ABHD1: variants seen among roughly 807,000 people sequenced by gnomAD.
The protein encoded by ABHD1 is protein ABHD1.
In ABHD1, 47 loss-of-function variants were observed where a neutral mutation model predicts 41.4. The observed-to-expected ratio is 1.13, with a 90% confidence interval of 0.90 to 1.45. The LOEUF (loss-of-function observed/expected upper bound fraction) is 1.45. Ranked by LOEUF, ABHD1 falls within the 40% of genes most tolerant of loss-of-function variation. ABHD1 has a pLI of 0.00. For synonymous variants in ABHD1, 205 were observed against 203.7 expected, an observed-to-expected ratio of 1.01 and a Z score of -0.05; for missense variants, 550 against 503.4, an observed-to-expected ratio of 1.09 and a Z score of -0.89.
Position 27,127,158 on chromosome 2 carries a change from T to C in ABHD1, c.115-1283T>C, listed in dbSNP as rs535865849. 1.2e-3 allele frequency among the ~76,000 whole-genome samples: 169 copies of C among 144,604 alleles called. 1 individual carries two copies. Among genetic ancestry groups the C allele is most frequent in the African/African-American group, 4.0e-3 (159 of 39,550 alleles). The allele number at this position is 144,604 out of a possible 152,430, so 94.9% of individuals were successfully genotyped here. A position where few individuals can be genotyped will look rare whatever the true frequency, so the allele number is the denominator to read the frequency against. ...GAGCAAGAACATTAGAGAATAGGAA[T>C]ATACAGATGAAGTGGTGCTAAAATC... On this transcript the variant is annotated intron_variant, in intron 1 of 8. Coordinates refer to ENST00000316470, the MANE Select transcript of ABHD1 (RefSeq NM_032604.4).
intron 7 of ABHD1, 30 bp from the exon 8 acceptor site, chr2:27,130,221 T>C (rs754567655): frequency 1.9e-6 from 3 of 1,614,190 alleles, no homozygotes; most frequent in South Asian, 2.2e-5. Context: ...TTCTTTATCA[T>C]CTTAGCCTAT....
chr2:27,128,334 T>A (rs1346452921), intron 1 of ABHD1, 107 bp from the exon 2 acceptor site: 1 of 1,406,656 alleles, frequency 7.1e-7, no homozygotes, highest in African/African-American at 1.4e-5. Context: ...AGCAGGGTCC[T>A]CCAGGCTGGG....
In ABHD1 at chr2:27,130,614, A is replaced by C. The variant is rs1362731581; in HGVS notation, c.1088A>C (p.Glu363Ala). Residue 363 changes from glutamate (E) to alanine (A), a missense_variant, in exon 9 of 9, where the codon GAA becomes GCA. By Grantham distance (107) the Glu-to-Ala change is moderately radical. Transcript: ENST00000316470. The part of the protein sequence containing the change: ...TARGGHIGFL[E>A]GLLPWQHWYM... ...CGGGGTGGCCACATCGGCTTCCTGG[A>C]AGGGCTGCTCCCGTGGCAGCACTGG... 6.2e-7 allele frequency: 1 copy of C among 1,614,136 alleles called. No homozygotes were observed. The highest frequency in any genetic ancestry group is 2.2e-5 in the East Asian group (1 of 44,880).
chr2:27,130,291 T>C lies in ABHD1; in HGVS notation c.881T>C (p.Val294Ala), dbSNP rs1210727924. The change falls in exon 8 of 9, where the codon GTG (valine) becomes GCG (alanine). Residue 294 changes from valine (V) to alanine (A), a missense_variant. Coordinates refer to ENST00000316470, the MANE Select transcript of ABHD1 (RefSeq NM_032604.4). ...CAGTTTGATGAGCGCTACACATCTG[T>C]GGCCTTTGGATATCAAGACTGTGTT... Reference protein sequence around the residue: ...IRQFDERYTSVAFGYQDCVTY... With the variant: ...IRQFDERYTSAAFGYQDCVTY... The C allele has an allele frequency of 6.2e-7, 1 of 1,614,052 alleles. No homozygotes were observed. Among genetic ancestry groups the C allele is most frequent in the African/African-American group, 1.3e-5 (1 of 74,906 alleles).
rs138068203 is a variant in ABHD1, at chr2:27,130,087, T to G, written c.792-18T>G. The G allele has an allele frequency of 1.9e-6, 3 of 1,614,140 alleles. No individual in the cohort carries two copies. In the African/African-American group the frequency reaches 4.0e-5, roughly 22 times the overall value. On this transcript the variant is annotated intron_variant, in intron 6 of 8. Coordinates refer to ENST00000316470, the MANE Select transcript of ABHD1 (RefSeq NM_032604.4). ...ATCAGATCCAGGTGTCAAGCCAAAC[T>G]CTTATGTACTTTTGCAGAAACAGAA... is the stretch of plus-strand genomic sequence containing the variant.
rs1202857882 is a variant in ABHD1, at chr2:27,124,050, A to G, written c.102A>G (p.Ala34=). The G allele has an allele frequency of 6.2e-7, 1 of 1,614,088 alleles. No individual in the cohort carries two copies. Among genetic ancestry groups the G allele is most frequent in the Non-Finnish European group, 8.5e-7 (1 of 1,179,980 alleles). Residue 34 remains alanine, a synonymous_variant, in exon 1 of 9, where the codon GCA becomes GCG. Transcript: ENST00000316470. ...AVALYLGYYW[A]CVLQRPRLVA... is the part of the protein sequence containing the mutation. ...CCCTCTACTTGGGCTACTACTGGGC[A>G]TGTGTGCTTCAGGTGGGTGCGGGTC...
chr2:27,130,238 G>GCCTATCC lies in ABHD1; in HGVS notation c.841-13_841-12insCCTATCC. 6.2e-7 allele frequency: 1 copy of GCCTATCC among 1,614,070 alleles called. No individual in the cohort carries two copies. The highest frequency in any genetic ancestry group is 1.1e-5 in the South Asian group (1 of 91,078). On this transcript the variant is annotated splice_polypyrimidine_tract_variant and intron_variant, in intron 7 of 8. Coordinates refer to ENST00000316470, the MANE Select transcript of ABHD1 (RefSeq NM_032604.4). The stretch of plus-strand genomic sequence containing the variant: ...CTTTATCATCTTAGCCTATCCTATG[G>GCCTATCC]TAAGACCTGCAGGCCCGTACAATCC...
chr2:27,127,138 A>T lies in ABHD1; in HGVS notation c.115-1303A>T, dbSNP rs544705891. ...CAAAAAAACCCCTTGGCAGTGAGCAAGAACATTAGAGAATAGGAATATACA... is the reference window on the plus strand; with the variant it reads ...CAAAAAAACCCCTTGGCAGTGAGCATGAACATTAGAGAATAGGAATATACA... On this transcript the variant is annotated intron_variant, in intron 1 of 8. Coordinates refer to ENST00000316470, the MANE Select transcript of ABHD1 (RefSeq NM_032604.4). 1.2e-3 allele frequency among the ~76,000 whole-genome samples: 184 copies of T among 151,558 alleles called. 1 individual carries two copies. The highest frequency in any genetic ancestry group is 2.1e-3 in the Admixed American group (32 of 15,202).
intron 4 of ABHD1, 66 bp from the exon 5 acceptor site, chr2:27,129,448 C>T: frequency 6.2e-7 from 1 of 1,612,200 alleles, no homozygotes; most frequent in South Asian, 1.1e-5. Flanking sequence ...CCTATCCTTC[C>T]TCAGTTTCCC....
At chr2:27,128,685 C>G in intron 2 of ABHD1, 84 bp downstream of exon 2, 1 of 1,548,752 alleles carries the variant, frequency 6.5e-7, no homozygotes, top group Non-Finnish European at 8.8e-7. Flanking sequence ...TGTAGGTAAT[C>G]TGCCTCATCT....
intron 1 of ABHD1, 103 bp downstream of exon 1, chr2:27,124,165 C>A: frequency 9.2e-7 from 1 of 1,082,164 alleles, no homozygotes. Flanking sequence ...TTGGGCTTCC[C>A]CACAGGTGAA....
intron 1 of ABHD1, chr2:27,125,284 C>G (rs1158191655): frequency 2.0e-5 from 3 of 152,236 alleles, no homozygotes; most frequent in Non-Finnish European, 2.9e-5. Flanking sequence ...TTACTTGCAA[C>G]TAGCTGCACA....
rs1254450580 is a variant in ABHD1, at chr2:27,129,847, C to T, written c.711C>T (p.Thr237=). 1 of 1,614,158 alleles carries T rather than the reference C, an allele frequency of 6.2e-7. No individual in the cohort carries two copies. The highest frequency in any genetic ancestry group is 1.1e-5 in the South Asian group (1 of 91,084). The change falls in exon 6 of 9, where the codon ACC becomes ACT. Residue 237 remains threonine (T), a synonymous_variant. Coordinates refer to ENST00000316470, the MANE Select transcript of ABHD1 (RefSeq NM_032604.4). ...CTGCATGCTGGGATTCCTTTGAGAC[C>T]ACTCGCTCCCTGGAAACCCCACTCA... ...TLSACWDSFE[T]TRSLETPLNS... is the part of the protein sequence containing the mutation.
intron 1 of ABHD1, 167 bp from the exon 2 acceptor site, chr2:27,128,274 C>A: frequency 1.3e-6 from 1 of 791,928 alleles, no homozygotes; most frequent in Non-Finnish European, 2.1e-6. Context: ...AGTGTATTAT[C>A]AGACTTGGCC....
At chr2:27,124,549 T>G (rs1489070473) in intron 1 of ABHD1, 6 of 298,512 alleles carry the variant, frequency 2.0e-5, no homozygotes, top group Non-Finnish European at 3.9e-5. Context: ...CTGTCCTTGC[T>G]CATTCAGCCG....
intron 8 of ABHD1, 47 bp downstream of exon 8, chr2:27,130,463 A>G (rs372555420): frequency 2.5e-6 from 4 of 1,612,790 alleles, no homozygotes. Flanking sequence ...AAAATGGGCC[A>G]TGAGGGACGC....
rs1391911522 is a variant in ABHD1 at position 27,129,074 on chromosome 2, C to T, written c.405C>T (p.Ser135=). The T allele has an allele frequency of 6.2e-7, 1 of 1,613,976 alleles. No homozygotes were observed. Among genetic ancestry groups the T allele is most frequent in the Non-Finnish European group, 8.5e-7 (1 of 1,180,016 alleles). The part of the protein sequence containing the change: ...VLLLPGITGS[S]QETYVLHLVN... ...TGCTTCCTGGCATCACTGGCAGTAG[C>T]CAGGAGACATACGTCTTGCACCTAG... Residue 135 remains serine, a synonymous_variant, in exon 3 of 9, where the codon AGC becomes AGT. Transcript: ENST00000316470.
intron 7 of ABHD1, 35 bp from the exon 8 acceptor site, chr2:27,130,210 ATTCTTT>A: frequency 6.2e-7 from 1 of 1,614,064 alleles, no homozygotes; most frequent in Non-Finnish European, 8.5e-7. Context: ...CTATCTTCCT[ATTCTTT>A]ATCATCTTAG....
At position 27,124,054 on chromosome 2, in the gene ABHD1, G is replaced by A; in HGVS notation, c.106G>A (p.Val36Met). 1.2e-6 allele frequency: 2 copies of A among 1,614,160 alleles called. No homozygotes were observed. The highest frequency in any genetic ancestry group is 1.7e-6 in the Non-Finnish European group (2 of 1,179,978). Reference sequence around the variant, plus strand: ...CTACTTGGGCTACTACTGGGCATGTGTGCTTCAGGTGGGTGCGGGTCCACC... The same window carrying A: ...CTACTTGGGCTACTACTGGGCATGTATGCTTCAGGTGGGTGCGGGTCCACC... The part of the protein sequence containing the change: ...ALYLGYYWAC[V>M]LQRPRLVAGP... The change falls in exon 1 of 9, where the codon GTG becomes ATG. Residue 36 changes from valine (V) to methionine (M), a missense_variant. Coordinates refer to ENST00000316470, the MANE Select transcript of ABHD1 (RefSeq NM_032604.4).
Sources: gnomAD v4.1 joint callset for allele counts (sites outside exome capture counted in the v4.1 genomes callset) on GRCh38, gnomAD v4.1.1 for gene constraint, MANE v1.5 for transcripts, NCBI Gene and HGNC (gene_info 2026-07-23, HGNC 2026-07-21) for gene names.